SLC6A6: variants seen among roughly 807,000 people sequenced by gnomAD.
SLC6A6 encodes the protein sodium- and chloride-dependent taurine transporter.
SLC6A6 carries 16 observed loss-of-function variants against 68.8 expected under a neutral mutation model. The observed-to-expected ratio is 0.23, with a 90% CI of 0.16 to 0.35. The LOEUF (loss-of-function observed/expected upper bound fraction) is 0.35. Among genes scored for constraint, SLC6A6 ranks in the 10% least tolerant of loss-of-function variants. SLC6A6 has a pLI of 1.00. For missense variants in SLC6A6, 474 were observed against 802.8 expected (o/e 0.59, Z 4.95); for synonymous variants, 312 against 315.4 (o/e 0.99, Z 0.12).
At chr3:14,445,598 T>G in intron 3 of SLC6A6, 119 bp from the exon 4 acceptor site, 1 of 1,179,248 alleles carries the variant, frequency 8.5e-7, no homozygotes, top group Non-Finnish European at 1.2e-6. Flanking sequence ...GAGTTTGGCC[T>G]TGAGCCTCAT....
intron 1 of SLC6A6, among the ~76,000 whole-genome samples, chr3:14,409,542 G>A (rs572070994): frequency 3.3e-5 from 5 of 152,368 alleles, no homozygotes; most frequent in East Asian, 1.9e-4. Flanking sequence ...GCCCATCCTC[G>A]TCCCACTGAC....
intron 4 of SLC6A6, among the ~76,000 whole-genome samples, chr3:14,446,108 T>C (rs1700115411): frequency 3.3e-5 from 5 of 152,168 alleles, no homozygotes; most frequent in Admixed American, 3.3e-4. Context: ...CCCTAGGTTG[T>C]TGCATAGAGA....
Position 14,477,341 on chromosome 3 carries a change from A to T in SLC6A6, c.1346A>T (p.Glu449Val). The T allele has an allele frequency of 6.2e-7, 1 of 1,613,914 alleles. No homozygotes were observed. Among genetic ancestry groups the T allele is most frequent in the South Asian group, 1.1e-5 (1 of 91,040 alleles). ...SYLLGLTMVT[E>V]GGMYVFQLFD... ...CTGCTGGGGCTGACGATGGTGACGG[A>T]GGTAGGTGGCTCTCTCAGCTGTGTT... Residue 449 changes from glutamate to valine, a missense_variant and splice_region_variant, in exon 11 of 15, where the codon GAG becomes GTG. Around this residue, in one of 2 missense-constraint regions of SLC6A6, gnomAD observed 194 missense variants for 269.8 expected, o/e 0.72. Coordinates refer to ENST00000622186, the MANE Select transcript of SLC6A6 (RefSeq NM_003043.6). This position sits in a 1 kb window ranked among gnomAD's most constrained non-coding sequence, Gnocchi z 4.2.
At chr3:14,432,551 G>A (rs1699749604) in intron 2 of SLC6A6, 1 of 152,332 alleles carries the variant, frequency 6.6e-6, no homozygotes, top group Non-Finnish European at 1.5e-5. Context: ...GGCTCCCTCT[G>A]ACCCTTCACC....
chr3:14,427,565 T>A (rs1699628767), intron 2 of SLC6A6, among the ~76,000 whole-genome samples: 2 of 152,246 alleles, frequency 1.3e-5, no homozygotes, highest in Admixed American at 1.3e-4. Flanking sequence ...AAAGGAGGGG[T>A]CCCCGGTGCC....
At chr3:14,442,157 A>G (rs1266060060) in intron 2 of SLC6A6, among the ~76,000 whole-genome samples, 4 of 152,304 alleles carry the variant, frequency 2.6e-5, no homozygotes, top group Middle Eastern at 3.4e-3. Flanking sequence ...CCAGTCAGCA[A>G]TCGCCATGAG....
intron 1 of SLC6A6, among the ~76,000 whole-genome samples, chr3:14,404,702 G>C (rs1263776087): frequency 6.6e-6 from 1 of 152,210 alleles, no homozygotes; most frequent in East Asian, 1.9e-4. Flanking sequence ...GCCTCACTAC[G>C]TCCTTGAGGG....
rs1177228525 is a variant in SLC6A6, at chr3:14,477,747, A to T, written c.1347+405A>T. ...CCACAGCACCACGTAGAGGTGCACCACCTTGCAGGTCACCTGCCACAGGAC... is the reference window on the plus strand; with the variant it reads ...CCACAGCACCACGTAGAGGTGCACCTCCTTGCAGGTCACCTGCCACAGGAC... On this transcript the variant is annotated intron_variant, in intron 11 of 14. Coordinates refer to ENST00000622186, the MANE Select transcript of SLC6A6 (RefSeq NM_003043.6). The surrounding 1 kb of genome is among the most constrained non-coding windows in gnomAD (Gnocchi z 4.2). Among the ~76,000 whole-genome samples, 1 of 152,036 alleles carries T rather than the reference A, an allele frequency of 6.6e-6. No individual in the cohort carries two copies. The highest frequency in any genetic ancestry group is 1.5e-5 in the Non-Finnish European group (1 of 67,996).
rs1700905977 is a variant in SLC6A6, at chr3:14,477,478, T to C, written c.1347+136T>C. 1.2e-6 allele frequency: 1 copy of C among 866,200 alleles called. No individual in the cohort carries two copies. Among genetic ancestry groups the C allele is most frequent in the African/African-American group, 1.7e-5 (1 of 60,080 alleles). The allele number at this position is 866,200 out of a possible 1,614,324, so 53.7% of individuals were successfully genotyped here. A position where few individuals can be genotyped will look rare whatever the true frequency, so the allele number is the denominator to read the frequency against. ...GCCCCACCCAATTCAGGGGTCCTGC[T>C]TGGACCAACACTGGGGGTAGCACGA... On this transcript the variant is annotated intron_variant, in intron 11 of 14. Transcript: ENST00000622186. This position sits in a 1 kb window ranked among gnomAD's most constrained non-coding sequence, Gnocchi z 4.2.
intron 1 of SLC6A6, among the ~76,000 whole-genome samples, chr3:14,410,208 A>C: frequency 6.8e-6 from 1 of 147,846 alleles, no homozygotes; most frequent in African/African-American, 2.5e-5. Flanking sequence ...GCCATTGTTC[A>C]CAGATGTGGC....
intron 2 of SLC6A6, among the ~76,000 whole-genome samples, chr3:14,421,794 C>T (rs13315786): frequency 0.052 from 7,924 of 152,242 alleles, 629 homozygotes; most frequent in African/African-American, 0.18. Flanking sequence ...CGTGTCAGGA[C>T]AGGAGCCTGG....
At chr3:14,476,878 A>G (rs1342382958) in intron 10 of SLC6A6, among the ~76,000 whole-genome samples, 2 of 152,188 alleles carry the variant, frequency 1.3e-5, no homozygotes, top group African/African-American at 4.8e-5. Flanking sequence ...AGTTGTTCTC[A>G]AGCTCAGCTT....
intron 1 of SLC6A6, among the ~76,000 whole-genome samples, chr3:14,414,316 C>A (rs1006758417): frequency 6.6e-6 from 1 of 152,118 alleles, no homozygotes; most frequent in Non-Finnish European, 1.5e-5. Flanking sequence ...GGTCAAGTGC[C>A]TATCTTTGAG....
At chr3:14,411,782 C>G (rs765919046) in intron 1 of SLC6A6, among the ~76,000 whole-genome samples, 1 of 152,234 alleles carries the variant, frequency 6.6e-6, no homozygotes, top group Admixed American at 6.5e-5. Context: ...TCCATCCATC[C>G]ATCTCACAAA....
chr3:14,447,945 G>A, intron 5 of SLC6A6, 129 bp downstream of exon 5: 6 of 1,469,190 alleles, frequency 4.1e-6, no homozygotes, highest in Non-Finnish European at 3.6e-6. Context: ...GTGCAGATCT[G>A]GAGATAAATT....
intron 1 of SLC6A6, among the ~76,000 whole-genome samples, chr3:14,411,990 T>C (rs146841564): frequency 6.6e-6 from 1 of 152,360 alleles, no homozygotes; most frequent in Non-Finnish European, 1.5e-5. Flanking sequence ...AGAATACCCC[T>C]GTCCTCTGGC....
intron 1 of SLC6A6, among the ~76,000 whole-genome samples, chr3:14,409,553 C>T (rs780788917): frequency 7.2e-5 from 11 of 152,250 alleles, no homozygotes; most frequent in South Asian, 2.1e-4. Flanking sequence ...TCCCACTGAC[C>T]GCACGGCAAA....
intron 6 of SLC6A6, 100 bp downstream of exon 6, chr3:14,458,182 A>C (rs1700414534): frequency 1.8e-6 from 2 of 1,119,912 alleles, no homozygotes; most frequent in Non-Finnish European, 2.7e-6. Flanking sequence ...CCCAAGAGGG[A>C]GGTGGCCAGT....
intron 2 of SLC6A6, among the ~76,000 whole-genome samples, chr3:14,437,834 T>A (rs1441649830): frequency 2.0e-5 from 3 of 151,492 alleles, no homozygotes; most frequent in East Asian, 3.9e-4. Context: ...ATTTTATTTA[T>A]TTTATTTTTT....
Sources: allele counts gnomAD v4.1 joint callset (sites outside exome capture counted in the v4.1 genomes callset), GRCh38; gene constraint gnomAD v4.1.1; regional missense constraint gnomAD v4.1.1; non-coding constraint Gnocchi (gnomAD v3.1); transcripts MANE v1.5; gene names NCBI Gene and HGNC (gene_info 2026-07-23, HGNC 2026-07-21).